The following MPZL1 variants were observed in gnomAD, a reference collection of about 807,000 sequenced individuals.
MPZL1 encodes the protein myelin protein zero-like protein 1.
MPZL1 carries 16 observed loss-of-function variants against 29.3 expected under a neutral mutation model. That is an observed-to-expected ratio of 0.55 (90% CI 0.37 to 0.83). The LOEUF is 0.83. Ranked by LOEUF, MPZL1 falls within the 40% of genes least tolerant of loss-of-function variation. The pLI is 0.00. For synonymous variants in MPZL1, 143 were observed against 132.0 expected, an observed-to-expected ratio of 1.08 and a Z score of -0.57; for missense variants, 279 against 332.9, an observed-to-expected ratio of 0.84 and a Z score of 1.26.
At chr1:167,779,839 C>CT (rs1661455176) in intron 5 of MPZL1, among the ~76,000 whole-genome samples, 1 of 152,174 alleles carries the variant, frequency 6.6e-6, no homozygotes, top group African/African-American at 2.4e-5. Context: ...CTAACAAGCT[C>CT]TATCTCCGAA....
At chr1:167,764,666 G>A (rs1223710358) in intron 1 of MPZL1, among the ~76,000 whole-genome samples, 3 of 152,084 alleles carry the variant, frequency 2.0e-5, no homozygotes, top group Admixed American at 2.0e-4. Context: ...TAACAGATAA[G>A]CATGAGAACT....
At chr1:167,722,743 C>G (rs1660063886) in intron 1 of MPZL1, among the ~76,000 whole-genome samples, 1 of 152,188 alleles carries the variant, frequency 6.6e-6, no homozygotes, top group South Asian at 2.1e-4. Context: ...GTTGTAAGTT[C>G]CCTTTCCCAT....
chr1:167,723,923 C>T (rs1660091567), intron 1 of MPZL1, among the ~76,000 whole-genome samples: 1 of 152,210 alleles, frequency 6.6e-6, no homozygotes, highest in Non-Finnish European at 1.5e-5. Flanking sequence ...GACAGTTACT[C>T]AGCAAACATT....
chr1:167,765,613 A>G lies in MPZL1; in HGVS notation c.122A>G (p.Tyr41Cys), dbSNP rs2101782409. 1 of 1,613,160 alleles carries G rather than the reference A, an allele frequency of 6.2e-7. No homozygotes were observed. Among genetic ancestry groups the G allele is most frequent in the East Asian group, 2.2e-5 (1 of 44,840 alleles). Residue 41 changes from tyrosine (Y) to cysteine (C), a missense_variant, in exon 2 of 6, where the codon TAT becomes TGT. Tyr to Cys is a radical substitution (Grantham distance 194). Transcript: ENST00000359523. ...GCTGGAGTATCAGCCTTGGAAGTATATACGCCAAAAGAAATCTTCGTGGCA... is the reference window on the plus strand; with the variant it reads ...GCTGGAGTATCAGCCTTGGAAGTATGTACGCCAAAAGAAATCTTCGTGGCA... ...LTAGVSALEV[Y>C]TPKEIFVANG... is the part of the protein sequence containing the mutation.
intron 1 of MPZL1, among the ~76,000 whole-genome samples, chr1:167,733,968 C>A (rs1045487885): frequency 3.3e-5 from 5 of 151,754 alleles, no homozygotes; most frequent in African/African-American, 1.2e-4. Context: ...AAGATAAATG[C>A]ACTGTAGGCC....
intron 1 of MPZL1, among the ~76,000 whole-genome samples, chr1:167,735,504 G>C (rs1484512581): frequency 6.6e-6 from 1 of 152,102 alleles, no homozygotes; most frequent in Non-Finnish European, 1.5e-5. Context: ...ATGTGTGTGT[G>C]TGTGCACTCT....
chr1:167,734,490 C>G (rs556554460), intron 1 of MPZL1, among the ~76,000 whole-genome samples: 2 of 151,960 alleles, frequency 1.3e-5, no homozygotes, highest in South Asian at 4.1e-4. Flanking sequence ...TAAATTTGGC[C>G]TAACCCAACT....
chr1:167,767,792 C>CTTTTT (rs58079089), intron 2 of MPZL1, among the ~76,000 whole-genome samples: 1 of 58,106 alleles, frequency 1.7e-5, no homozygotes, highest in Non-Finnish European at 3.2e-5. Context: ...CCCTTTTCTG[C>CTTTTT]TTTTTTTTTT....
At position 167,729,851 on chromosome 1, in the gene MPZL1, T is replaced by A. The variant is rs181323909; in HGVS notation, c.91+7609T>A. On this transcript the variant is annotated intron_variant, in intron 1 of 5. Coordinates refer to ENST00000359523, the MANE Select transcript of MPZL1 (RefSeq NM_003953.6). Reference sequence around the variant, plus strand: ...TACTCCTCACAGCTCTGTGCAATAATTATTTTTATTAATTTTATAGATAAG... The same window carrying A: ...TACTCCTCACAGCTCTGTGCAATAAATATTTTTATTAATTTTATAGATAAG... Among the ~76,000 whole-genome samples the A allele has an allele frequency of 3.0e-3, 453 of 152,306 alleles. 4 individuals carry two copies. The highest frequency in any genetic ancestry group is 4.8e-3 in the Non-Finnish European group (328 of 68,022).
At chr1:167,746,182 A>G (rs941213482) in intron 1 of MPZL1, among the ~76,000 whole-genome samples, 1 of 152,038 alleles carries the variant, frequency 6.6e-6, no homozygotes, top group Non-Finnish European at 1.5e-5. Flanking sequence ...AGTTGGCCCA[A>G]CGGGAGTGGG....
intron 1 of MPZL1, among the ~76,000 whole-genome samples, chr1:167,735,203 T>A (rs1317220141): frequency 6.6e-6 from 1 of 152,236 alleles, no homozygotes; most frequent in Non-Finnish European, 1.5e-5. Context: ...TACTCATTAG[T>A]TTGACAAAAA....
chr1:167,739,725 G>A (rs1660476858), intron 1 of MPZL1, among the ~76,000 whole-genome samples: 1 of 152,042 alleles, frequency 6.6e-6, no homozygotes, highest in Non-Finnish European at 1.5e-5. Flanking sequence ...AAAAGTGTCT[G>A]GATTTGCCCC....
At chr1:167,752,583 G>A (rs1276889993) in intron 1 of MPZL1, among the ~76,000 whole-genome samples, 1 of 152,250 alleles carries the variant, frequency 6.6e-6, no homozygotes, top group South Asian at 2.1e-4. Context: ...TAAAAATTCT[G>A]ATAAAGCCAG....
intron 1 of MPZL1, among the ~76,000 whole-genome samples, chr1:167,761,451 G>T (rs919747668): frequency 6.6e-6 from 1 of 152,160 alleles, no homozygotes; most frequent in Non-Finnish European, 1.5e-5. Flanking sequence ...CTACATAGGA[G>T]TGCAGGGAAA....
At chr1:167,754,413 A>T (rs1390883710) in intron 1 of MPZL1, among the ~76,000 whole-genome samples, 1 of 152,256 alleles carries the variant, frequency 6.6e-6, no homozygotes, top group Non-Finnish European at 1.5e-5. Context: ...GGGTGGTTAT[A>T]TGAATAATTC....
chr1:167,770,846 T>C (rs2101787842), intron 2 of MPZL1, among the ~76,000 whole-genome samples: 1 of 152,178 alleles, frequency 6.6e-6, no homozygotes, highest in East Asian at 1.9e-4. Context: ...AAATTATGGG[T>C]GGTAATAATT....
Position 167,728,535 on chromosome 1 carries a change from G to A in MPZL1, c.91+6293G>A, listed in dbSNP as rs1009581627. On this transcript the variant is annotated intron_variant, in intron 1 of 5. Transcript: ENST00000359523. Reference sequence around the variant, plus strand: ...TTCATTGTCTTTTTCAATGCATGTGGCTACTGTAATTTTTTATTCACTTAA... The same window carrying A: ...TTCATTGTCTTTTTCAATGCATGTGACTACTGTAATTTTTTATTCACTTAA... Among the ~76,000 whole-genome samples, 3 of 151,810 alleles carry A rather than the reference G, an allele frequency of 2.0e-5. No individual in the cohort carries two copies. The East Asian group carries it at 5.8e-4, about 29-fold the overall frequency.
At chr1:167,732,281 G>C (rs1271191808) in intron 1 of MPZL1, among the ~76,000 whole-genome samples, 1 of 152,078 alleles carries the variant, frequency 6.6e-6, no homozygotes, top group East Asian at 1.9e-4. Context: ...AATATTGCCT[G>C]GGCAACATGG....
chr1:167,768,575 TATTG>T (rs1396359569), intron 2 of MPZL1, among the ~76,000 whole-genome samples: 1 of 152,214 alleles, frequency 6.6e-6, no homozygotes, highest in Non-Finnish European at 1.5e-5. Context: ...ACTTTAAAAA[TATTG>T]ATTGATAATG....
Sources: gnomAD v4.1 joint callset for allele counts (sites outside exome capture counted in the v4.1 genomes callset) on GRCh38, gnomAD v4.1.1 for gene constraint, MANE v1.5 for transcripts, NCBI Gene and HGNC (gene_info 2026-07-23, HGNC 2026-07-21) for gene names.